PDLIM5: variants seen among roughly 807,000 people sequenced by gnomAD.
PDLIM5 encodes the protein PDZ and LIM domain 5, also known as PDZ and LIM domain protein 5.
A neutral mutation model predicts 64.2 loss-of-function variants in PDLIM5; 34 were observed. The observed-to-expected ratio is 0.53, with a 90% confidence interval of 0.40 to 0.71. The LOEUF (loss-of-function observed/expected upper bound fraction) is 0.71, where lower values mean the gene tolerates loss of function less well. PDLIM5 is among the 30% of genes least tolerant of loss of function. The probability of loss-of-function intolerance (pLI) is 0.00; values close to 1 mark genes in which losing one functional copy is unlikely to be tolerated. For synonymous variants in PDLIM5, 253 were observed against 269.1 expected (o/e 0.94, Z 0.59); for missense variants, 683 against 733.6 (o/e 0.93, Z 0.80).
chr4:94,640,500 GTTT>G (rs10716970), intron 9 of PDLIM5, 50 bp downstream of exon 9: 23,201 of 744,828 alleles, frequency 0.031, 270 homozygotes, highest in East Asian at 0.14. Context: ...TCAATGTTGG[GTTT>G]TTTTTTTTTT....
intron 2 of PDLIM5, among the ~76,000 whole-genome samples, chr4:94,513,200 C>T (rs1729050682): frequency 6.6e-6 from 1 of 152,084 alleles, no homozygotes; most frequent in Non-Finnish European, 1.5e-5. Flanking sequence ...CTAAGGATAG[C>T]TTTGGCTATT....
At chr4:94,617,266 A>G (rs1738853799) in intron 7 of PDLIM5, among the ~76,000 whole-genome samples, 1 of 152,340 alleles carries the variant, frequency 6.6e-6, no homozygotes, top group East Asian at 1.9e-4. Context: ...TAAAGGCCAT[A>G]TGATCTTCAA....
At chr4:94,452,503 C>A (rs1232898371) in intron 1 of PDLIM5, among the ~76,000 whole-genome samples, 2 of 152,260 alleles carry the variant, frequency 1.3e-5, no homozygotes, top group African/African-American at 4.8e-5. Flanking sequence ...GCATTTATTT[C>A]TCCCCCAGAT....
chr4:94,544,002 A>C (rs776799140), intron 3 of PDLIM5, among the ~76,000 whole-genome samples: 9 of 152,246 alleles, frequency 5.9e-5, no homozygotes, highest in Non-Finnish European at 1.3e-4. Flanking sequence ...GAACCTCCAC[A>C]GTTTTCCATA....
intron 2 of PDLIM5, 66 bp from the exon 3 acceptor site, chr4:94,523,658 A>C: frequency 1.5e-6 from 2 of 1,293,730 alleles, no homozygotes; most frequent in South Asian, 2.7e-5. Flanking sequence ...CAAAAGTATA[A>C]TTTTTATCAG....
In PDLIM5 at chr4:94,511,432, C is replaced by G. The variant is rs957081005; in HGVS notation, c.97-12292C>G. On this transcript the variant is annotated intron_variant, in intron 2 of 12. Transcript: ENST00000317968. The stretch of plus-strand genomic sequence containing the variant: ...AATCACATCGTGGAGAATCGGGTCT[C>G]CATCCCCTGAAGCATTTATCCTTTG... Among the ~76,000 whole-genome samples the G allele has an allele frequency of 9.9e-5, 15 of 152,124 alleles. No individual in the cohort carries two copies. In the South Asian group the frequency reaches 2.9e-3, roughly 29 times the overall value.
chr4:94,566,247 T>C (rs187448281), intron 3 of PDLIM5, among the ~76,000 whole-genome samples: 1 of 152,304 alleles, frequency 6.6e-6, no homozygotes, highest in Admixed American at 6.5e-5. Flanking sequence ...GTTTCCTATA[T>C]TTAAAATGAG....
intron 2 of PDLIM5, chr4:94,456,137 GT>G: frequency 3.7e-6 from 2 of 545,984 alleles, no homozygotes; most frequent in Non-Finnish European, 5.8e-6. Context: ...TAAAAGGTTT[GT>G]TTTTGCATAT....
rs1179321551 is a variant in PDLIM5 at position 94,666,848 on chromosome 4, G to A, written c.*2781G>A. 1 of 152,102 alleles carries A rather than the reference G, an allele frequency of 6.6e-6. No homozygotes were observed. Among genetic ancestry groups the A allele is most frequent in the Admixed American group, 6.6e-5 (1 of 15,266 alleles). 9.4% of individuals were successfully genotyped at this position (152,102 alleles called of 1,614,324 possible). A position where few individuals can be genotyped will look rare whatever the true frequency, so the allele number is the denominator to read the frequency against. On this transcript the variant is annotated 3_prime_UTR_variant, in exon 13 of 13. Coordinates refer to ENST00000317968, the MANE Select transcript of PDLIM5 (RefSeq NM_006457.5). Reference sequence around the variant, plus strand: ...TTGTGCTTTGTCCATCTCTTCCGTGGCGAAGCTTTATATCTGTTCCTAAAA... The same window carrying A: ...TTGTGCTTTGTCCATCTCTTCCGTGACGAAGCTTTATATCTGTTCCTAAAA...
At chr4:94,519,453 G>A (rs867534564) in intron 2 of PDLIM5, among the ~76,000 whole-genome samples, 6 of 152,058 alleles carry the variant, frequency 3.9e-5, no homozygotes, top group East Asian at 1.9e-4. Context: ...AAGTAAATTC[G>A]GGTCACACAA....
intron 3 of PDLIM5, among the ~76,000 whole-genome samples, chr4:94,539,263 A>G (rs577592144): frequency 8.5e-5 from 13 of 152,122 alleles, no homozygotes; most frequent in African/African-American, 3.1e-4. Flanking sequence ...TGTATAATAT[A>G]TATGTGTCTA....
At chr4:94,564,257 C>T (rs1039982871) in intron 3 of PDLIM5, among the ~76,000 whole-genome samples, 8 of 152,072 alleles carry the variant, frequency 5.3e-5, no homozygotes, top group South Asian at 2.1e-4. Flanking sequence ...CCATCGTGCC[C>T]GGCCTTAGAA....
chr4:94,638,255 A>C (rs987840008), intron 8 of PDLIM5, among the ~76,000 whole-genome samples: 2 of 152,202 alleles, frequency 1.3e-5, no homozygotes, highest in African/African-American at 4.8e-5. Context: ...AAATTAGGTA[A>C]CAAGAAAGTA....
At chr4:94,591,215 T>G (rs1271649019) in intron 7 of PDLIM5, among the ~76,000 whole-genome samples, 1 of 152,232 alleles carries the variant, frequency 6.6e-6, no homozygotes, top group Non-Finnish European at 1.5e-5. Flanking sequence ...CTTTTGTTCA[T>G]CCCATTCCAG....
chr4:94,498,249 C>T (rs561528095), intron 2 of PDLIM5, among the ~76,000 whole-genome samples: 1 of 152,152 alleles, frequency 6.6e-6, no homozygotes, highest in Non-Finnish European at 1.5e-5. Context: ...GGAGTAATTG[C>T]AGAAGTCTTT....
chr4:94,549,332 C>G (rs545727262), intron 3 of PDLIM5, among the ~76,000 whole-genome samples: 1 of 152,228 alleles, frequency 6.6e-6, no homozygotes, highest in East Asian at 1.9e-4. Context: ...TGTAGATTGC[C>G]TATTTGTATG....
intron 10 of PDLIM5, among the ~76,000 whole-genome samples, chr4:94,656,120 T>C (rs1179545661): frequency 6.6e-6 from 1 of 152,188 alleles, no homozygotes; most frequent in Non-Finnish European, 1.5e-5. Flanking sequence ...ATTTAAAGAA[T>C]AAATTTAAAT....
At position 94,585,628 on chromosome 4, in the gene PDLIM5, T is replaced by C; in HGVS notation, c.774T>C (p.Asp258=). The C allele has an allele frequency of 6.2e-7, 1 of 1,613,162 alleles. No homozygotes were observed. The highest frequency in any genetic ancestry group is 8.5e-7 in the Non-Finnish European group (1 of 1,179,598). ...TTTATCATGTACCCACTCACAGTGA[T>C]GCCAGCAAGAAGAGACTGATTGAGG... ...TEFYHVPTHS[D]ASKKRLIEDT... is the part of the protein sequence containing the mutation. Residue 258 remains aspartate (D), a synonymous_variant, in exon 6 of 13, where the codon GAT becomes GAC. Transcript: ENST00000317968.
At chr4:94,542,984 T>C (rs1172198828) in intron 3 of PDLIM5, among the ~76,000 whole-genome samples, 1 of 152,206 alleles carries the variant, frequency 6.6e-6, no homozygotes, top group Admixed American at 6.5e-5. Context: ...CCTGGGAAAA[T>C]GCAAAAGTGG....
Sources: gnomAD v4.1 joint callset for allele counts (sites outside exome capture counted in the v4.1 genomes callset) on GRCh38, gnomAD v4.1.1 for gene constraint, MANE v1.5 for transcripts, NCBI Gene and HGNC (gene_info 2026-07-23, HGNC 2026-07-21) for gene names.